The following ATG4C variants were observed in gnomAD, a reference collection of about 807,000 sequenced individuals.
The protein encoded by ATG4C is autophagy related 4C cysteine peptidase, also known as cysteine protease ATG4C.
In ATG4C, 56 loss-of-function variants were observed where a neutral mutation model predicts 57.6. That is an observed-to-expected ratio of 0.97 (90% CI 0.78 to 1.21). The LOEUF (loss-of-function observed/expected upper bound fraction) is 1.21, where lower values mean the gene tolerates loss of function less well. Ranked by LOEUF, ATG4C falls within the 50% of genes most tolerant of loss-of-function variation. ATG4C has a pLI of 0.00. For missense variants in ATG4C, 595 were observed against 529.8 expected (o/e 1.12, Z -1.21); for synonymous variants, 157 against 174.1 (o/e 0.90, Z 0.78).
intron 1 of ATG4C, 67 bp from the exon 2 acceptor site, chr1:62,803,650 CTT>C (rs1664756545): frequency 2.2e-6 from 1 of 450,890 alleles, no homozygotes; most frequent in Non-Finnish European, 4.0e-6. Flanking sequence ...ACTTAAGTAA[CTT>C]TAACAGGTAT....
chr1:62,807,699 C>G (rs1378992754), intron 3 of ATG4C, among the ~76,000 whole-genome samples: 1 of 152,154 alleles, frequency 6.6e-6, no homozygotes, highest in East Asian at 1.9e-4. Context: ...CCTTCTAGAC[C>G]TTTCTCTGTG....
At chr1:62,839,912 A>C (rs566811549) in intron 9 of ATG4C, among the ~76,000 whole-genome samples, 1 of 152,198 alleles carries the variant, frequency 6.6e-6, no homozygotes, top group African/African-American at 2.4e-5. Context: ...TCATTGGAAA[A>C]AAAAGCAGCT....
At chr1:62,851,807 AATGTAAGATAATTGTTT>A (rs1289306843) in intron 10 of ATG4C, among the ~76,000 whole-genome samples, 6 of 152,206 alleles carry the variant, frequency 3.9e-5, no homozygotes, top group African/African-American at 9.7e-5. Context: ...GAAAAAAAGG[AATGTAAGATAATTGTTT>A]ATGTAAGATA....
chr1:62,831,221 TTA>T (rs1484447430), intron 7 of ATG4C, among the ~76,000 whole-genome samples: 2 of 152,134 alleles, frequency 1.3e-5, no homozygotes, highest in East Asian at 3.8e-4. Flanking sequence ...ATGATAGGTA[TTA>T]TGTTTGGCCA....
chr1:62,850,029 G>A (rs1441445470), intron 10 of ATG4C, among the ~76,000 whole-genome samples: 2 of 152,112 alleles, frequency 1.3e-5, no homozygotes, highest in Non-Finnish European at 2.9e-5. Context: ...TATTTAGAGA[G>A]AGACATGAGA....
chr1:62,826,473 T>G (rs151318913), intron 6 of ATG4C, among the ~76,000 whole-genome samples: 1,638 of 151,852 alleles, frequency 0.011, 27 homozygotes, highest in African/African-American at 0.037. Flanking sequence ...CCTGACCTCG[T>G]GATCTGCCCA....
chr1:62,850,820 C>T (rs1666482355), intron 10 of ATG4C, among the ~76,000 whole-genome samples: 1 of 133,252 alleles, frequency 7.5e-6, no homozygotes, highest in African/African-American at 2.7e-5. Context: ...CGTATATATT[C>T]TGCTGTATCA....
chr1:62,835,365 CTCT>C (rs1194656681), intron 9 of ATG4C: 2 of 332,020 alleles, frequency 6.0e-6, no homozygotes, highest in Non-Finnish European at 1.2e-5. Context: ...ATTTCTTAAC[CTCT>C]TCTTTTCCTT....
In ATG4C at chr1:62,865,005, G is replaced by A. The variant is rs1241826770; in HGVS notation, c.*846G>A. ...ATTTTTGTTTTTTATATAAAGCAGT[G>A]TAGTGGTGTTTAGAAGCTGAGGCCA... is the stretch of plus-strand genomic sequence containing the variant. On this transcript the variant is annotated 3_prime_UTR_variant, in exon 11 of 11. Transcript: ENST00000317868. The A allele has an allele frequency of 1.3e-5, 2 of 151,836 alleles. No homozygotes were observed. The highest frequency in any genetic ancestry group is 4.8e-5 in the African/African-American group (2 of 41,408). The allele number at this position is 151,836 out of a possible 1,614,324, so 9.4% of individuals were successfully genotyped here. A position where few individuals can be genotyped will look rare whatever the true frequency, so the allele number is the denominator to read the frequency against.
At chr1:62,806,783 G>A (rs1414365964) in intron 3 of ATG4C, among the ~76,000 whole-genome samples, 1 of 152,104 alleles carries the variant, frequency 6.6e-6, no homozygotes, top group Non-Finnish European at 1.5e-5. Context: ...CTTGATGTAA[G>A]AGGATTTTTT....
intron 5 of ATG4C, 36 bp downstream of exon 5, chr1:62,819,371 A>T: frequency 6.6e-7 from 1 of 1,511,188 alleles, no homozygotes; most frequent in Non-Finnish European, 8.9e-7. Flanking sequence ...CTTGTGACAG[A>T]GGTCCTCAGG....
At chr1:62,785,268 C>G (rs1664046395) in intron 1 of ATG4C, 1 of 152,130 alleles carries the variant, frequency 6.6e-6, no homozygotes, top group Non-Finnish European at 1.5e-5. Flanking sequence ...AAGGTAAAGT[C>G]TATGTATTTT....
intron 3 of ATG4C, among the ~76,000 whole-genome samples, chr1:62,807,046 T>C (rs1240992829): frequency 6.6e-6 from 1 of 152,190 alleles, no homozygotes; most frequent in Non-Finnish European, 1.5e-5. Context: ...AAATGAAAAA[T>C]TTCATTTAAT....
chr1:62,862,552 T>C (rs1666888042), intron 10 of ATG4C, among the ~76,000 whole-genome samples: 1 of 152,086 alleles, frequency 6.6e-6, no homozygotes, highest in Non-Finnish European at 1.5e-5. Flanking sequence ...TTATTTTTCA[T>C]TTTACACATT....
chr1:62,792,177 A>G (rs1052676631), intron 1 of ATG4C, among the ~76,000 whole-genome samples: 35 of 151,900 alleles, frequency 2.3e-4, no homozygotes, highest in African/African-American at 8.0e-4. Flanking sequence ...TTGTATTTTT[A>G]GTAGAGACAG....
In ATG4C at chr1:62,831,253, AC is replaced by A. The variant is rs570091295; in HGVS notation, c.933+2081del. Among the ~76,000 whole-genome samples the A allele has an allele frequency of 6.8e-4, 104 of 152,212 alleles. No homozygotes were observed. In the South Asian group the frequency reaches 0.021, roughly 31 times the overall value. On this transcript the variant is annotated intron_variant, in intron 7 of 10. Coordinates refer to ENST00000317868, the MANE Select transcript of ATG4C (RefSeq NM_032852.4). ...TGGCCAGAGGGGATGGTTGAGTCAA[AC>A]CCCAATGAGAGCATGTAAAGAGGTA...
Position 62,829,073 on chromosome 1 carries a change from C to A in ATG4C, c.830C>A (p.Ala277Asp). Residue 277 changes from alanine (A) to aspartate (D), a missense_variant, in exon 7 of 11, where the codon GCT becomes GAT. Physicochemically the swap from Ala to Asp is moderately radical, Grantham distance 126. Coordinates refer to ENST00000317868, the MANE Select transcript of ATG4C (RefSeq NM_032852.4). Reference sequence around the variant, plus strand: ...TCTGATGTAATTGATAAACAGAGTGCTTCCATGACTTCTGATAATGCAGAT... The same window carrying A: ...TCTGATGTAATTGATAAACAGAGTGATTCCATGACTTCTGATAATGCAGAT... ...YNSDVIDKQS[A>D]SMTSDNADDK... 3 of 1,612,200 alleles carry A rather than the reference C, an allele frequency of 1.9e-6. No individual in the cohort carries two copies. The East Asian group carries it at 6.7e-5, about 36-fold the overall frequency.
intron 10 of ATG4C, among the ~76,000 whole-genome samples, chr1:62,844,894 C>T (rs1206172312): frequency 4.0e-5 from 6 of 151,832 alleles, no homozygotes; most frequent in Admixed American, 3.9e-4. Context: ...ATCTATGTAA[C>T]CGTACATGTT....
At chr1:62,816,536 T>C (rs1335286761) in intron 3 of ATG4C, 39 bp from the exon 4 acceptor site, 4 of 1,441,838 alleles carry the variant, frequency 2.8e-6, no homozygotes, top group African/African-American at 2.8e-5. Context: ...ATTATAGACA[T>C]TTCTCTGGTT....
Sources: allele counts gnomAD v4.1 joint callset (sites outside exome capture counted in the v4.1 genomes callset), GRCh38; gene constraint gnomAD v4.1.1; transcripts MANE v1.5; gene names NCBI Gene and HGNC (gene_info 2026-07-23, HGNC 2026-07-21).